Variants in ARHGAP6 observed in about 807,000 individuals in gnomAD.
The protein encoded by ARHGAP6 is Rho GTPase activating protein 6.
Under a neutral mutation model 55.7 loss-of-function variants are expected in ARHGAP6, and 16 were observed. The observed-to-expected ratio is 0.29, with a 90% CI of 0.19 to 0.44. ARHGAP6 has a LOEUF of 0.44. Among genes scored for constraint, ARHGAP6 ranks in the 20% least tolerant of loss-of-function variants. ARHGAP6 has a pLI of 1.00. For missense variants in ARHGAP6, 698 were observed against 808.9 expected (o/e 0.86, Z 1.66); for synonymous variants, 382 against 360.9 (o/e 1.06, Z -0.66).
At chrX:11,585,952 A>G (rs971604696) in intron 1 of ARHGAP6, among the ~76,000 whole-genome samples, 3 of 111,300 alleles carry the variant, frequency 2.7e-5, no homozygotes, top group African/African-American at 9.8e-5. Flanking sequence ...CTTTTATACA[A>G]CCAGATTGTG....
intron 1 of ARHGAP6, among the ~76,000 whole-genome samples, chrX:11,293,834 T>G (rs1032904125): frequency 8.9e-6 from 1 of 112,348 alleles, no homozygotes; most frequent in African/African-American, 3.2e-5. Context: ...TTTTTCTCAT[T>G]AACCCAAACA....
chrX:11,551,000 G>C (rs748902467), intron 1 of ARHGAP6, among the ~76,000 whole-genome samples: 27 of 111,403 alleles, frequency 2.4e-4, no homozygotes, highest in Admixed American at 7.6e-4. Flanking sequence ...TTCTTTAGGG[G>C]GCATTGAGTA....
intron 1 of ARHGAP6, among the ~76,000 whole-genome samples, chrX:11,597,241 T>C (rs1191251023): frequency 8.9e-6 from 1 of 112,292 alleles, no homozygotes; most frequent in Non-Finnish European, 1.9e-5. Context: ...TATCATAAGG[T>C]CCAAGTACTG....
At chrX:11,169,369 T>C (rs987055164) in intron 9 of ARHGAP6, 136 bp downstream of exon 9, 95 of 523,441 alleles carry the variant, frequency 1.8e-4, no homozygotes, top group Non-Finnish European at 2.5e-4. Context: ...CTACTCCTGC[T>C]GAAACTGCCT....
intron 1 of ARHGAP6, among the ~76,000 whole-genome samples, chrX:11,289,793 T>G (rs1163258779): frequency 3.6e-5 from 4 of 111,338 alleles, no homozygotes; most frequent in African/African-American, 1.3e-4. Flanking sequence ...GAGACCATCC[T>G]GGACAACATG....
intron 1 of ARHGAP6, among the ~76,000 whole-genome samples, chrX:11,576,832 G>GTTGT (rs1569405198): frequency 4.7e-4 from 40 of 84,894 alleles, no homozygotes; most frequent in South Asian, 2.1e-3. Context: ...CTCAAACCAA[G>GTTGT]AGGCAGAGTT....
intron 1 of ARHGAP6, among the ~76,000 whole-genome samples, chrX:11,611,474 A>G (rs1248286794): frequency 8.9e-6 from 1 of 111,959 alleles, no homozygotes; most frequent in Non-Finnish European, 1.9e-5. Flanking sequence ...CATGATGAGG[A>G]ACAAATAGGA....
intron 4 of ARHGAP6, among the ~76,000 whole-genome samples, chrX:11,187,363 A>G (rs1289112149): frequency 1.8e-5 from 2 of 111,380 alleles, no homozygotes; most frequent in Non-Finnish European, 3.8e-5. Flanking sequence ...GCACTGAGAA[A>G]GCAGTTGGCT....
At chrX:11,458,117 G>A (rs2050210380) in intron 1 of ARHGAP6, among the ~76,000 whole-genome samples, 1 of 112,247 alleles carries the variant, frequency 8.9e-6, no homozygotes, top group African/African-American at 3.2e-5. Context: ...GATCTTTCCT[G>A]TATTAAGATG....
intron 1 of ARHGAP6, among the ~76,000 whole-genome samples, chrX:11,366,359 C>T (rs1367405147): frequency 1.8e-5 from 2 of 112,408 alleles, no homozygotes; most frequent in African/African-American, 3.2e-5. Context: ...TTTATACATA[C>T]ATACATTCAG....
At chrX:11,558,836 C>CAAAAAAAAAAAAAAAAAA (rs58936931) in intron 1 of ARHGAP6, among the ~76,000 whole-genome samples, 1 of 30,079 alleles carries the variant, frequency 3.3e-5, no homozygotes. Flanking sequence ...GATTCCATCT[C>CAAAAAAAAAAAAAAAAAA]AAAAAAAAAA....
At chrX:11,488,817 C>T (rs971963317) in intron 1 of ARHGAP6, among the ~76,000 whole-genome samples, 5 of 111,449 alleles carry the variant, frequency 4.5e-5, no homozygotes, top group African/African-American at 1.6e-4. Flanking sequence ...CTGAAACCAT[C>T]CCCCCCACAA....
intron 1 of ARHGAP6, among the ~76,000 whole-genome samples, chrX:11,626,431 G>T (rs958416811): frequency 2.7e-5 from 3 of 111,529 alleles, no homozygotes; most frequent in Non-Finnish European, 3.8e-5. Flanking sequence ...AAGCTAAAAT[G>T]TTCTTTATAC....
At chrX:11,262,921 A>G (rs1358815481) in intron 1 of ARHGAP6, among the ~76,000 whole-genome samples, 1 of 111,186 alleles carries the variant, frequency 9.0e-6, no homozygotes, top group Non-Finnish European at 1.9e-5. Flanking sequence ...ATATCAGACA[A>G]TACAAATGAA....
At chrX:11,198,647 G>A (rs1030183635) in intron 2 of ARHGAP6, among the ~76,000 whole-genome samples, 1 of 112,385 alleles carries the variant, frequency 8.9e-6, no homozygotes, top group African/African-American at 3.2e-5. Context: ...CCAATGGGCA[G>A]ATCCTAAAAT....
intron 1 of ARHGAP6, among the ~76,000 whole-genome samples, chrX:11,534,126 T>G (rs776555211): frequency 6.6e-4 from 74 of 111,385 alleles, no homozygotes; most frequent in Non-Finnish European, 1.3e-3. Flanking sequence ...AGTTCTTATC[T>G]CTGTGGGCGA....
chrX:11,542,277 G>T (rs1207274644), intron 1 of ARHGAP6, among the ~76,000 whole-genome samples: 1 of 110,727 alleles, frequency 9.0e-6, no homozygotes, highest in African/African-American at 3.3e-5. Context: ...TTTGAAAACA[G>T]CCTGACCAAC....
At chrX:11,390,648 G>A (rs867379679) in intron 1 of ARHGAP6, among the ~76,000 whole-genome samples, 34 of 111,916 alleles carry the variant, frequency 3.0e-4, no homozygotes, top group Middle Eastern at 4.6e-3. Context: ...CAAAAAGTGG[G>A]CAAAGGATAT....
At chrX:11,407,759 T>G (rs1299255012) in intron 1 of ARHGAP6, among the ~76,000 whole-genome samples, 1 of 112,179 alleles carries the variant, frequency 8.9e-6, no homozygotes, top group Non-Finnish European at 1.9e-5. Context: ...TTTGAGCATG[T>G]TTTCATGTTC....
Sources: allele counts gnomAD v4.1 joint callset (sites outside exome capture counted in the v4.1 genomes callset), GRCh38; gene constraint gnomAD v4.1.1; transcripts MANE v1.5; gene names NCBI Gene and HGNC (gene_info 2026-07-23, HGNC 2026-07-21).